NFIA: variants seen among roughly 807,000 people sequenced by gnomAD.
The protein encoded by NFIA is nuclear factor 1 A-type.
A neutral mutation model predicts 62.8 loss-of-function variants in NFIA; 8 were observed. That is an observed-to-expected ratio of 0.13 (90% CI 0.07 to 0.23). The LOEUF (loss-of-function observed/expected upper bound fraction) is 0.23, where lower values mean the gene tolerates loss of function less well. Ranked by LOEUF, NFIA falls within the 10% of genes least tolerant of loss-of-function variation. NFIA has a pLI of 1.00. For missense variants in NFIA, 410 were observed against 642.1 expected, an observed-to-expected ratio of 0.64 and a Z score of 3.91; for synonymous variants, 235 against 238.1, an observed-to-expected ratio of 0.99 and a Z score of 0.12.
intron 2 of NFIA, among the ~76,000 whole-genome samples, chr1:61,218,303 G>A (rs923975738): frequency 6.6e-5 from 10 of 152,290 alleles, no homozygotes; most frequent in African/African-American, 2.2e-4. Flanking sequence ...GTTCTTCACC[G>A]AATGTTCATG....
In NFIA at chr1:61,457,661, G is replaced by A. The variant is rs1310728839; in HGVS notation, c.*2341G>A. On this transcript the variant is annotated 3_prime_UTR_variant, in exon 11 of 11. Coordinates refer to ENST00000403491, the MANE Select transcript of NFIA (RefSeq NM_001134673.4). The surrounding 1 kb of genome is among the most constrained non-coding windows in gnomAD (Gnocchi z 4.2). Reference sequence around the variant, plus strand: ...TTTTTTTTATTTGACCAAAGTCGGTGCTGCACTTGACGCAGTGTGTTTTAG... The same window carrying A: ...TTTTTTTTATTTGACCAAAGTCGGTACTGCACTTGACGCAGTGTGTTTTAG... 6.6e-6 allele frequency: 1 copy of A among 151,890 alleles called. No individual in the cohort carries two copies. Among genetic ancestry groups the A allele is most frequent in the African/African-American group, 2.4e-5 (1 of 41,350 alleles). 9.4% of individuals were successfully genotyped at this position (151,890 alleles called of 1,614,324 possible). A position where few individuals can be genotyped will look rare whatever the true frequency, so the allele number is the denominator to read the frequency against.
intron 4 of NFIA, among the ~76,000 whole-genome samples, chr1:61,344,769 G>A (rs1488786156): frequency 6.6e-6 from 1 of 152,198 alleles, no homozygotes; most frequent in Non-Finnish European, 1.5e-5. Flanking sequence ...AATGCTCCCT[G>A]CTGACTTCCG....
chr1:61,252,933 A>C (rs970491708), intron 2 of NFIA, among the ~76,000 whole-genome samples: 6 of 152,190 alleles, frequency 3.9e-5, no homozygotes, highest in Admixed American at 3.9e-4. Context: ...TTTGTTTCCT[A>C]CCTACCAAGG....
intron 10 of NFIA, among the ~76,000 whole-genome samples, chr1:61,449,239 G>A (rs986111815): frequency 3.3e-5 from 5 of 152,222 alleles, no homozygotes; most frequent in African/African-American, 1.2e-4. Context: ...GGGGAGACAT[G>A]GTCATGTGGC....
At chr1:61,102,537 G>A (rs996446196) in intron 2 of NFIA, among the ~76,000 whole-genome samples, 4 of 151,862 alleles carry the variant, frequency 2.6e-5, no homozygotes, top group Non-Finnish European at 4.4e-5. Context: ...ATCTTGAATA[G>A]CATTTTAAAA....
At chr1:61,226,315 T>C (rs1324673804) in intron 2 of NFIA, among the ~76,000 whole-genome samples, 3 of 152,242 alleles carry the variant, frequency 2.0e-5, no homozygotes, top group South Asian at 4.1e-4. Flanking sequence ...ATTTACATGA[T>C]AGACCATACT....
rs576613886 is a variant in NFIA at position 61,283,581 on chromosome 1, C to CAAAAAAAAAAA, written c.625+6013_625+6023dup. 3.1e-3 allele frequency among the ~76,000 whole-genome samples: 113 copies of CAAAAAAAAAAA among 36,622 alleles called. 4 individuals carry two copies. Among genetic ancestry groups the CAAAAAAAAAAA allele is most frequent in the Non-Finnish European group, 4.1e-3 (76 of 18,576 alleles). 24.0% of individuals were successfully genotyped at this position (36,622 alleles called of 152,430 possible). ...TGGGTGACAGAACGAGACTCTGTCT[C>CAAAAAAAAAAA]AAAAAAAAAAAAAAAAAAAAAAAAA... On this transcript the variant is annotated intron_variant, in intron 3 of 10. Transcript: ENST00000403491.
At chr1:61,168,670 A>G (rs549923227) in intron 2 of NFIA, among the ~76,000 whole-genome samples, 2 of 152,306 alleles carry the variant, frequency 1.3e-5, no homozygotes, top group African/African-American at 4.8e-5. Flanking sequence ...TTCAAAATAT[A>G]TTTGGAATAC....
intron 7 of NFIA, among the ~76,000 whole-genome samples, chr1:61,389,919 A>C (rs1226504607): frequency 2.6e-5 from 4 of 152,184 alleles, no homozygotes; most frequent in Non-Finnish European, 4.4e-5. Flanking sequence ...ACCTATTACT[A>C]TCTGGGGACC....
chr1:61,284,054 C>T (rs1658328239), intron 3 of NFIA, among the ~76,000 whole-genome samples: 1 of 152,194 alleles, frequency 6.6e-6, no homozygotes, highest in Non-Finnish European at 1.5e-5. Context: ...CTTTCTTTTA[C>T]AATTACCTAG....
At chr1:61,400,321 A>C (rs925611922) in intron 7 of NFIA, among the ~76,000 whole-genome samples, 6 of 152,204 alleles carry the variant, frequency 3.9e-5, no homozygotes, top group African/African-American at 9.6e-5. Flanking sequence ...GAAAAGCCCA[A>C]ACAGTTGTTT....
intron 2 of NFIA, among the ~76,000 whole-genome samples, chr1:61,261,098 A>G (rs1656746282): frequency 6.6e-6 from 1 of 152,218 alleles, no homozygotes; most frequent in Non-Finnish European, 1.5e-5. Flanking sequence ...GGAAATCTGG[A>G]GCCCATTTTA....
chr1:61,368,854 C>T (rs949819781), intron 6 of NFIA, among the ~76,000 whole-genome samples: 24 of 152,116 alleles, frequency 1.6e-4, no homozygotes, highest in African/African-American at 5.6e-4. Flanking sequence ...ATATGCAAAG[C>T]ACTGTGCAAA....
At chr1:61,119,818 T>C (rs1361770175) in intron 2 of NFIA, among the ~76,000 whole-genome samples, 2 of 152,178 alleles carry the variant, frequency 1.3e-5, no homozygotes, top group Admixed American at 6.5e-5. Flanking sequence ...ATGCATCAGG[T>C]TGATACCTGG....
At chr1:61,252,976 T>A (rs1656144568) in intron 2 of NFIA, among the ~76,000 whole-genome samples, 1 of 152,180 alleles carries the variant, frequency 6.6e-6, no homozygotes, top group South Asian at 2.1e-4. Flanking sequence ...AGAGTTTATA[T>A]CTTGGGATGA....
chr1:61,230,869 G>GAC (rs1654632729), intron 2 of NFIA, among the ~76,000 whole-genome samples: 1 of 152,122 alleles, frequency 6.6e-6, no homozygotes, highest in Non-Finnish European at 1.5e-5. Context: ...TTCTCTACAG[G>GAC]ACACTCTCCA....
intron 10 of NFIA, among the ~76,000 whole-genome samples, chr1:61,438,900 G>T (rs969879873): frequency 6.6e-6 from 1 of 151,840 alleles, no homozygotes; most frequent in Admixed American, 6.6e-5. Context: ...CTGAAATACC[G>T]CAGGGACTTA....
At chr1:61,201,062 T>C (rs1268876169) in intron 2 of NFIA, among the ~76,000 whole-genome samples, 1 of 152,208 alleles carries the variant, frequency 6.6e-6, no homozygotes, top group Non-Finnish European at 1.5e-5. Flanking sequence ...TATTTTAAAA[T>C]AGAAAATTCT....
At chr1:61,447,592 A>G (rs1667868353) in intron 10 of NFIA, among the ~76,000 whole-genome samples, 2 of 152,086 alleles carry the variant, frequency 1.3e-5, no homozygotes, top group South Asian at 2.1e-4. Context: ...GACCAAATAG[A>G]TAGGAACTCT....
Sources: gnomAD v4.1 joint callset for allele counts (sites outside exome capture counted in the v4.1 genomes callset) on GRCh38, gnomAD v4.1.1 for gene constraint, Gnocchi (gnomAD v3.1) non-coding constraint, MANE v1.5 for transcripts, NCBI Gene and HGNC (gene_info 2026-07-23, HGNC 2026-07-21) for gene names.